The following YWHAQ variants were observed in gnomAD, a reference collection of about 807,000 sequenced individuals.
YWHAQ encodes the protein tyrosine 3-monooxygenase/tryptophan 5-monooxygenase activation protein theta.
A neutral mutation model predicts 28.3 loss-of-function variants in YWHAQ; 6 were observed. The ratio of observed to expected loss-of-function variants is 0.21; its 90% CI spans 0.12 to 0.42. The LOEUF (loss-of-function observed/expected upper bound fraction) is 0.42. Among genes scored for constraint, YWHAQ ranks in the 10% least tolerant of loss-of-function variants. The pLI is 1.00. For synonymous variants in YWHAQ, 143 were observed against 119.1 expected, an observed-to-expected ratio of 1.20 and a Z score of -1.31; for missense variants, 201 against 305.6, an observed-to-expected ratio of 0.66 and a Z score of 2.55.
intron 2 of YWHAQ, among the ~76,000 whole-genome samples, chr2:9,595,723 A>G (rs1666556148): frequency 6.8e-6 from 1 of 148,104 alleles, no homozygotes; most frequent in Admixed American, 6.7e-5. Context: ...AAAAAAAGTC[A>G]CCAGACGGGA....
rs869073430 is a variant in YWHAQ, at chr2:9,602,829, TAAAAAAAAAAAAAAAAAAAAAAA to T, written c.295-11337_295-11315del. 2.4e-3 allele frequency among the ~76,000 whole-genome samples: 90 copies of T among 37,164 alleles called. 2 individuals are homozygous for T. The highest frequency in any genetic ancestry group is 7.5e-3 in the African/African-American group (89 of 11,868). The allele number at this position is 37,164 out of a possible 152,430, so 24.4% of individuals were successfully genotyped here. A position where few individuals can be genotyped will look rare whatever the true frequency, so the allele number is the denominator to read the frequency against. ...CAGGTGTGAACCACCATGCCTAATTTAAAAAAAAAAAAAAAAAAAAAAAAAAAAAAAAAATATATATATATATA... is the reference window on the plus strand; with the variant it reads ...CAGGTGTGAACCACCATGCCTAATTTAAAAAAAAAAATATATATATATATA... On this transcript the variant is annotated intron_variant, in intron 2 of 5. Transcript: ENST00000238081.
chr2:9,612,869 C>T (rs1405015827), intron 2 of YWHAQ, among the ~76,000 whole-genome samples: 1 of 152,218 alleles, frequency 6.6e-6, no homozygotes, highest in African/African-American at 2.4e-5. Context: ...GGTCATCCAA[C>T]TACAGCCTCT....
At chr2:9,591,831 A>G (rs1160612305) in intron 2 of YWHAQ, among the ~76,000 whole-genome samples, 1 of 152,264 alleles carries the variant, frequency 6.6e-6, no homozygotes, top group Non-Finnish European at 1.5e-5. Flanking sequence ...CATACCTGCT[A>G]GGTGCTATAA....
At chr2:9,596,776 C>T (rs1177113501) in intron 2 of YWHAQ, among the ~76,000 whole-genome samples, 1 of 151,996 alleles carries the variant, frequency 6.6e-6, no homozygotes, top group South Asian at 2.1e-4. Context: ...AATCTCAGCT[C>T]ACCTGCATCC....
At chr2:9,591,954 GCA>G (rs1666464003) in intron 2 of YWHAQ, among the ~76,000 whole-genome samples, 1 of 152,232 alleles carries the variant, frequency 6.6e-6, no homozygotes, top group South Asian at 2.1e-4. Context: ...TGCTAAGGAA[GCA>G]CACAGATGGA....
intron 2 of YWHAQ, among the ~76,000 whole-genome samples, chr2:9,625,255 C>G (rs1032610896): frequency 5.3e-5 from 8 of 149,652 alleles, no homozygotes; most frequent in African/African-American, 1.5e-4. Flanking sequence ...GAGCAAGACT[C>G]CATCACAAAA....
intron 5 of YWHAQ, among the ~76,000 whole-genome samples, chr2:9,586,269 T>G (rs1484605371): frequency 6.6e-6 from 1 of 152,218 alleles, no homozygotes; most frequent in Non-Finnish European, 1.5e-5. Flanking sequence ...AGGATCTCTC[T>G]GATTTTAGGA....
In YWHAQ at chr2:9,626,134, T is replaced by C. The variant is rs376230691; in HGVS notation, c.294+4025A>G. ...CTATTTTAACTCTCATTTTTAAAAA[T>C]TGCGATATGCACTTTAGTTTCTGAA... On this transcript the variant is annotated intron_variant, in intron 2 of 5. Coordinates refer to ENST00000238081, the MANE Select transcript of YWHAQ (RefSeq NM_006826.4). Among the ~76,000 whole-genome samples, 10 of 152,366 alleles carry C rather than the reference T, an allele frequency of 6.6e-5. No individual in the cohort carries two copies. The South Asian group carries it at 8.3e-4, about 13-fold the overall frequency.
At chr2:9,612,052 CCT>C (rs1666959689) in intron 2 of YWHAQ, among the ~76,000 whole-genome samples, 1 of 152,230 alleles carries the variant, frequency 6.6e-6, no homozygotes, top group South Asian at 2.1e-4. Flanking sequence ...ATCCACACTA[CCT>C]CTGAGTTTTC....
At chr2:9,608,037 G>C (rs1294979685) in intron 2 of YWHAQ, among the ~76,000 whole-genome samples, 1 of 151,900 alleles carries the variant, frequency 6.6e-6, no homozygotes, top group African/African-American at 2.4e-5. Context: ...GCAATAAAGA[G>C]CAGTATATCA....
chr2:9,603,111 T>C (rs1350857814), intron 2 of YWHAQ, among the ~76,000 whole-genome samples: 1 of 151,506 alleles, frequency 6.6e-6, no homozygotes, highest in African/African-American at 2.4e-5. Flanking sequence ...TAGGTAAACA[T>C]TCATATAGCT....
intron 5 of YWHAQ, 126 bp downstream of exon 5, chr2:9,587,288 A>T: frequency 1.3e-6 from 1 of 782,570 alleles, no homozygotes; most frequent in Non-Finnish European, 2.0e-6. Flanking sequence ...CGTCCCATAA[A>T]ATACTAACAC....
chr2:9,623,963 T>C (rs1667196699), intron 2 of YWHAQ, among the ~76,000 whole-genome samples: 1 of 152,106 alleles, frequency 6.6e-6, no homozygotes, highest in Admixed American at 6.6e-5. Flanking sequence ...TATGAAGAAG[T>C]GGCACTTTGA....
chr2:9,611,694 G>C lies in YWHAQ; in HGVS notation c.294+18465C>G, dbSNP rs374615209. On this transcript the variant is annotated intron_variant, in intron 2 of 5. Transcript: ENST00000238081. The stretch of plus-strand genomic sequence containing the variant: ...TTTCTATACTCTTTTTTTGAGGCTA[G>C]GTCTCACTGTGTCACCCAGAGGCTG... Among the ~76,000 whole-genome samples, 4 of 151,922 alleles carry C rather than the reference G, an allele frequency of 2.6e-5. No individual in the cohort carries two copies. The East Asian group carries it at 5.8e-4, about 22-fold the overall frequency.
chr2:9,602,007 T>C (rs1037825734), intron 2 of YWHAQ, among the ~76,000 whole-genome samples: 3 of 152,168 alleles, frequency 2.0e-5, no homozygotes, highest in Non-Finnish European at 4.4e-5. Context: ...AGATACTAAT[T>C]CAGACAACGA....
intron 2 of YWHAQ, among the ~76,000 whole-genome samples, chr2:9,612,649 T>C (rs914826181): frequency 6.6e-6 from 1 of 152,120 alleles, no homozygotes; most frequent in Non-Finnish European, 1.5e-5. Context: ...AAAACCTAAG[T>C]GGCACTCTAA....
chr2:9,596,586 T>A (rs1169506331), intron 2 of YWHAQ, among the ~76,000 whole-genome samples: 1 of 152,214 alleles, frequency 6.6e-6, no homozygotes, highest in Non-Finnish European at 1.5e-5. Flanking sequence ...ATGCTGAATC[T>A]CTAACTTTAG....
chr2:9,594,267 G>C (rs555597280), intron 2 of YWHAQ, among the ~76,000 whole-genome samples: 43 of 152,158 alleles, frequency 2.8e-4, no homozygotes, highest in African/African-American at 9.4e-4. Context: ...AATTTTAATA[G>C]TTTTTTAATA....
intron 2 of YWHAQ, among the ~76,000 whole-genome samples, chr2:9,610,117 A>G (rs1572998746): frequency 6.6e-6 from 1 of 152,234 alleles, no homozygotes; most frequent in African/African-American, 2.4e-5. Flanking sequence ...CTAAAATCTG[A>G]CAACTGAAGT....
Sources: allele counts gnomAD v4.1 joint callset (sites outside exome capture counted in the v4.1 genomes callset), GRCh38; gene constraint gnomAD v4.1.1; transcripts MANE v1.5; gene names NCBI Gene and HGNC (gene_info 2026-07-23, HGNC 2026-07-21).